The following SPICE1 variants were observed in gnomAD, a reference collection of about 807,000 sequenced individuals.
SPICE1 encodes spindle and centriole-associated protein 1.
Under a neutral mutation model 102.7 loss-of-function variants are expected in SPICE1, and 75 were observed. The observed-to-expected ratio is 0.73, with a 90% CI of 0.61 to 0.88. The LOEUF (loss-of-function observed/expected upper bound fraction) is 0.88. SPICE1 is among the 40% of genes least tolerant of loss of function. The pLI is 0.00. For synonymous variants in SPICE1, 308 were observed against 350.3 expected (o/e 0.88, Z 1.35); for missense variants, 979 against 1,020.1 (o/e 0.96, Z 0.55).
chr3:113,493,454 G>A, intron 5 of SPICE1, 142 bp from the exon 6 acceptor site: 1 of 669,894 alleles, frequency 1.5e-6, no homozygotes, highest in Non-Finnish European at 2.6e-6. Context: ...TATATGCCAG[G>A]CACTGTTCTA....
At chr3:113,477,121 A>G (rs1405879008) in intron 7 of SPICE1, among the ~76,000 whole-genome samples, 5 of 151,924 alleles carry the variant, frequency 3.3e-5, no homozygotes, top group African/African-American at 1.2e-4. Flanking sequence ...AAAAGTGGGC[A>G]AAGGACATGA....
At chr3:113,477,873 A>C (rs1025323566) in intron 7 of SPICE1, among the ~76,000 whole-genome samples, 3 of 151,964 alleles carry the variant, frequency 2.0e-5, no homozygotes, top group Non-Finnish European at 4.4e-5. Flanking sequence ...CCAGCATGGC[A>C]CATGTATACA....
At chr3:113,472,372 AAGAC>A (rs1936226246) in intron 7 of SPICE1, among the ~76,000 whole-genome samples, 1 of 152,208 alleles carries the variant, frequency 6.6e-6, no homozygotes, top group African/African-American at 2.4e-5. Flanking sequence ...GACAAACAAA[AAGAC>A]AGCAGTAACC....
At chr3:113,493,666 C>T (rs1936812872) in intron 5 of SPICE1, among the ~76,000 whole-genome samples, 1 of 152,200 alleles carries the variant, frequency 6.6e-6, no homozygotes, top group African/African-American at 2.4e-5. Flanking sequence ...ATGAACTACA[C>T]ACACATTAAA....
At chr3:113,497,805 C>T (rs778756031) in intron 4 of SPICE1, among the ~76,000 whole-genome samples, 2 of 146,708 alleles carry the variant, frequency 1.4e-5, no homozygotes, top group Non-Finnish European at 3.0e-5. Flanking sequence ...CGGATTCAAG[C>T]GATTCTCCTG....
intron 7 of SPICE1, among the ~76,000 whole-genome samples, chr3:113,482,131 T>C (rs1214517203): frequency 6.6e-6 from 1 of 152,226 alleles, no homozygotes; most frequent in East Asian, 1.9e-4. Flanking sequence ...TGGTATCTCA[T>C]TGTGGTTTTG....
At chr3:113,476,365 T>G (rs1559966367) in intron 7 of SPICE1, among the ~76,000 whole-genome samples, 1 of 151,290 alleles carries the variant, frequency 6.6e-6, no homozygotes, top group Non-Finnish European at 1.5e-5. Flanking sequence ...CTGCCCAAGG[T>G]AATTTAGAGA....
intron 17 of SPICE1, 96 bp from the exon 18 acceptor site, chr3:113,445,456 AG>A (rs1245581938): frequency 5.1e-6 from 5 of 986,144 alleles, no homozygotes; most frequent in Non-Finnish European, 8.0e-6. Flanking sequence ...CATAAAACAA[AG>A]TCATCCTGTG....
chr3:113,481,649 T>C (rs564340676), intron 7 of SPICE1, among the ~76,000 whole-genome samples: 2 of 152,028 alleles, frequency 1.3e-5, no homozygotes, highest in East Asian at 1.9e-4. Context: ...CTCCCACTTA[T>C]GAGTAAGAAC....
intron 1 of SPICE1, among the ~76,000 whole-genome samples, chr3:113,512,405 C>CTTTTTTTTTTTTTTTTTTTTTTTTTT (rs34015506): frequency 9.6e-6 from 1 of 104,410 alleles, no homozygotes; most frequent in Non-Finnish European, 1.9e-5. Flanking sequence ...GAAAAGCTTT[C>CTTTTTTTTTTTTTTTTTTTTTTTTTT]TTTTTTTTTT....
chr3:113,474,130 T>A (rs1475925659), intron 7 of SPICE1, among the ~76,000 whole-genome samples: 2 of 151,412 alleles, frequency 1.3e-5, no homozygotes, highest in African/African-American at 4.9e-5. Flanking sequence ...AGGCAGGGGT[T>A]GCAATCCTAG....
chr3:113,506,726 C>T (rs1937121001), intron 1 of SPICE1, 121 bp from the exon 2 acceptor site: 1 of 707,302 alleles, frequency 1.4e-6, no homozygotes, highest in South Asian at 1.9e-5. Flanking sequence ...AAAATTTAAG[C>T]ATGATGAAAG....
chr3:113,446,973 G>A (rs933191807), intron 16 of SPICE1, among the ~76,000 whole-genome samples: 1 of 152,094 alleles, frequency 6.6e-6, no homozygotes, highest in Admixed American at 6.6e-5. Flanking sequence ...AATCATGGGG[G>A]CCGGTCTTTC....
In SPICE1 at chr3:113,461,327, A is replaced by G. The variant is rs370551465; in HGVS notation, c.1288-563T>C. The stretch of plus-strand genomic sequence containing the variant: ...CATCTTTGTCTATATGTGTGTGTGT[A>G]TATATATATATTTTTAATATTACAT... On this transcript the variant is annotated intron_variant, in intron 11 of 17. Coordinates refer to ENST00000295872, the MANE Select transcript of SPICE1 (RefSeq NM_144718.4). Among the ~76,000 whole-genome samples, 600 of 151,318 alleles carry G rather than the reference A, an allele frequency of 4.0e-3. 4 individuals are homozygous for G. The highest frequency in any genetic ancestry group is 0.013 in the African/African-American group (556 of 41,374).
chr3:113,498,901 T>C (rs767553714), intron 4 of SPICE1: 1 of 152,436 alleles, frequency 6.6e-6, no homozygotes, highest in African/African-American at 2.4e-5. Context: ...TGGCAAAAGG[T>C]TAAGCCAAAG....
rs950390865 is a variant in SPICE1, at chr3:113,513,251, A to AT, written c.-1+1645dup. Among the ~76,000 whole-genome samples, 11 of 152,012 alleles carry AT rather than the reference A, an allele frequency of 7.2e-5. No individual in the cohort carries two copies. The South Asian group carries it at 1.3e-3, about 17-fold the overall frequency. ...GCAAGACCCTGTCTCTAAAAAAAAA[A>AT]TTTTTTTTAATTAGCCAGGAGTGGC... On this transcript the variant is annotated intron_variant, in intron 1 of 17. Coordinates refer to ENST00000295872, the MANE Select transcript of SPICE1 (RefSeq NM_144718.4).
intron 16 of SPICE1, among the ~76,000 whole-genome samples, chr3:113,447,133 C>T (rs1025202821): frequency 1.3e-5 from 2 of 151,776 alleles, no homozygotes; most frequent in African/African-American, 2.4e-5. Context: ...CCTCTCCAGC[C>T]ATGTGAAACT....
intron 3 of SPICE1, 105 bp downstream of exon 3, chr3:113,503,075 C>T: frequency 1.7e-6 from 2 of 1,196,840 alleles, no homozygotes; most frequent in Non-Finnish European, 2.4e-6. Context: ...TTAAACATAA[C>T]TGAACAACTT....
At chr3:113,477,028 C>A (rs1936366723) in intron 7 of SPICE1, among the ~76,000 whole-genome samples, 1 of 151,898 alleles carries the variant, frequency 6.6e-6, no homozygotes, top group Non-Finnish European at 1.5e-5. Flanking sequence ...TTTTCGCAAC[C>A]TACTCATCTG....
Sources: gnomAD v4.1 joint callset for allele counts (sites outside exome capture counted in the v4.1 genomes callset) on GRCh38, gnomAD v4.1.1 for gene constraint, MANE v1.5 for transcripts, NCBI Gene and HGNC (gene_info 2026-07-23, HGNC 2026-07-21) for gene names.